Variants in DRGX observed in about 807,000 individuals in gnomAD.
DRGX encodes the protein dorsal root ganglia homeobox protein.
In DRGX, 21 loss-of-function variants were observed where a neutral mutation model predicts 28.6. The observed-to-expected ratio is 0.73, with a 90% CI of 0.52 to 1.06. The LOEUF is 1.06. Ranked by LOEUF, DRGX falls within the 50% of genes least tolerant of loss-of-function variation. DRGX has a pLI of 0.00. For missense variants in DRGX, 354 were observed against 343.9 expected (o/e 1.03, Z -0.23); for synonymous variants, 136 against 139.1 (o/e 0.98, Z 0.16).
At chr10:49,366,904 T>G (rs1274436007) in intron 6 of DRGX, among the ~76,000 whole-genome samples, 1 of 152,226 alleles carries the variant, frequency 6.6e-6, no homozygotes, top group Non-Finnish European at 1.5e-5. Context: ...TGTCAAGAAT[T>G]TTATTGCTTT....
At chr10:49,386,413 C>T (rs953858036) in intron 6 of DRGX, 65 bp downstream of exon 6, 79 of 1,395,122 alleles carry the variant, frequency 5.7e-5, no homozygotes, top group Admixed American at 8.2e-5. Flanking sequence ...AGACCCAGGC[C>T]GGTCACACAA....
chr10:49,389,056 T>C (rs1373047047), intron 4 of DRGX, among the ~76,000 whole-genome samples: 2 of 152,184 alleles, frequency 1.3e-5, no homozygotes, highest in Non-Finnish European at 2.9e-5. Context: ...TTTAGGCAGC[T>C]ATTGGCAAGC....
intron 6 of DRGX, among the ~76,000 whole-genome samples, chr10:49,379,784 T>C (rs765379966): frequency 5.3e-5 from 8 of 152,250 alleles, no homozygotes; most frequent in Admixed American, 1.3e-4. Context: ...TCATGTCTAG[T>C]GAGTGCCATT....
intron 6 of DRGX, among the ~76,000 whole-genome samples, chr10:49,373,508 G>A (rs1402036367): frequency 6.6e-6 from 1 of 152,114 alleles, no homozygotes; most frequent in Non-Finnish European, 1.5e-5. Context: ...TTGGGAGGTG[G>A]GGCTTTTGGA....
chr10:49,365,984 G>T lies in DRGX; in HGVS notation c.*132C>A. ...GCCAAGGGAGCTGTGGGTCTCACTT[G>T]CCCGTCCTGGGTCCATGCAGAGGCC... On this transcript the variant is annotated 3_prime_UTR_variant, in exon 7 of 7. Coordinates refer to ENST00000374139, the MANE Select transcript of DRGX (RefSeq NM_001276451.2). 1 of 1,135,272 alleles carries T rather than the reference G, an allele frequency of 8.8e-7. No individual in the cohort carries two copies. The highest frequency in any genetic ancestry group is 1.2e-6 in the Non-Finnish European group (1 of 849,822). The allele number at this position is 1,135,272 out of a possible 1,614,324, so 70.3% of individuals were successfully genotyped here.
rs1053476237 is a variant in DRGX at position 49,364,300 on chromosome 10, C to A, written c.*1816G>T. 2.0e-5 allele frequency: 3 copies of A among 152,312 alleles called. No individual in the cohort carries two copies. Among genetic ancestry groups the A allele is most frequent in the Admixed American group, 6.5e-5 (1 of 15,302 alleles). 9.4% of individuals were successfully genotyped at this position (152,312 alleles called of 1,614,324 possible). A position where few individuals can be genotyped will look rare whatever the true frequency, so the allele number is the denominator to read the frequency against. ...ATTAAATCAGTGCTTCGTGGTAATA[C>A]ATAATTTCTTATCAATTATTCATGC... On this transcript the variant is annotated 3_prime_UTR_variant, in exon 7 of 7. Coordinates refer to ENST00000374139, the MANE Select transcript of DRGX (RefSeq NM_001276451.2).
At chr10:49,368,682 A>G (rs367869493) in intron 6 of DRGX, among the ~76,000 whole-genome samples, 37 of 152,210 alleles carry the variant, frequency 2.4e-4, no homozygotes, top group African/African-American at 7.7e-4. Flanking sequence ...AGGAGCACCT[A>G]ATGTGTGAAG....
intron 6 of DRGX, among the ~76,000 whole-genome samples, chr10:49,383,823 C>T (rs1024393075): frequency 5.9e-5 from 9 of 152,250 alleles, no homozygotes; most frequent in African/African-American, 1.2e-4. Context: ...GCGTCCTGAT[C>T]GCAGACTTCC....
intron 6 of DRGX, among the ~76,000 whole-genome samples, chr10:49,377,059 G>T (rs954281495): frequency 2.6e-5 from 4 of 152,198 alleles, no homozygotes; most frequent in African/African-American, 9.7e-5. Flanking sequence ...TGCTCAGTGG[G>T]TGCTGAATGA....
chr10:49,365,331 C>T lies in DRGX; in HGVS notation c.*785G>A, dbSNP rs1407539175. 6.6e-6 allele frequency: 1 copy of T among 152,338 alleles called. No homozygotes were observed. The highest frequency in any genetic ancestry group is 2.4e-5 in the African/African-American group (1 of 41,456). The allele number at this position is 152,338 out of a possible 1,614,324, so 9.4% of individuals were successfully genotyped here. A position where few individuals can be genotyped will look rare whatever the true frequency, so the allele number is the denominator to read the frequency against. On this transcript the variant is annotated 3_prime_UTR_variant, in exon 7 of 7. Transcript: ENST00000374139. ...AGTTGCTTAACTTCCCACCAATCCACAGGTCTATCTGGGAGAGAGGAAGGG... is the reference window on the plus strand; with the variant it reads ...AGTTGCTTAACTTCCCACCAATCCATAGGTCTATCTGGGAGAGAGGAAGGG...
intron 2 of DRGX, among the ~76,000 whole-genome samples, chr10:49,392,311 A>T (rs560608665): frequency 1.8e-4 from 28 of 152,154 alleles, no homozygotes; most frequent in Non-Finnish European, 3.1e-4. Context: ...GGCTTCTTAA[A>T]ATTCTGTCTA....
chr10:49,382,733 T>C (rs1241241640), intron 6 of DRGX, among the ~76,000 whole-genome samples: 1 of 152,124 alleles, frequency 6.6e-6, no homozygotes, highest in Non-Finnish European at 1.5e-5. Context: ...CCAGCCATTC[T>C]CCAGAGGGGT....
Position 49,384,005 on chromosome 10 carries a change from CA to C in DRGX, c.526+2472del, listed in dbSNP as rs1376310073. Among the ~76,000 whole-genome samples the C allele has an allele frequency of 2.6e-5, 4 of 152,272 alleles. No individual in the cohort carries two copies. The South Asian group carries it at 8.3e-4, about 32-fold the overall frequency. Reference sequence around the variant, plus strand: ...GCAACACAGCATCCACGTTCCCACGCAGCCACAATCAGCTGGCTGAGCAACG... The same window carrying C: ...GCAACACAGCATCCACGTTCCCACGCGCCACAATCAGCTGGCTGAGCAACG... On this transcript the variant is annotated intron_variant, in intron 6 of 6. Transcript: ENST00000374139.
At chr10:49,389,906 G>T (rs945398537) in intron 4 of DRGX, among the ~76,000 whole-genome samples, 7 of 150,886 alleles carry the variant, frequency 4.6e-5, no homozygotes, top group African/African-American at 1.7e-4. Flanking sequence ...CCTTAGAGAC[G>T]CGGACAAATT....
rs1388265077 is a variant in DRGX at position 49,390,193 on chromosome 10, T to G, written c.174A>C (p.Pro58=). Residue 58 remains proline, a synonymous_variant, in exon 4 of 7, where the codon CCA becomes CCC. Transcript: ENST00000374139. ...CGAGCTCTTCTCTGGTGAAGACATC[T>G]GGATAGTGTGTTTGGGCAAAAACGG... ...LEAVFAQTHY[P]DVFTREELAM... is the part of the protein sequence containing the mutation. 6.2e-7 allele frequency: 1 copy of G among 1,613,066 alleles called. No homozygotes were observed. The highest frequency in any genetic ancestry group is 8.5e-7 in the Non-Finnish European group (1 of 1,179,608).
At chr10:49,388,108 C>A (rs1048677398) in intron 4 of DRGX, among the ~76,000 whole-genome samples, 1 of 152,196 alleles carries the variant, frequency 6.6e-6, no homozygotes, top group Non-Finnish European at 1.5e-5. Context: ...GACCTGAGCA[C>A]CTTCTTAGAG....
At position 49,395,982 on chromosome 10, in the gene DRGX, C is replaced by T. The variant is rs1288250029; in HGVS notation, c.-129G>A. 4 of 152,836 alleles carry T rather than the reference C, an allele frequency of 2.6e-5. No individual in the cohort carries two copies. Among genetic ancestry groups the T allele is most frequent in the Admixed American group, 1.3e-4 (2 of 15,306 alleles). The allele number at this position is 152,836 out of a possible 1,614,324, so 9.5% of individuals were successfully genotyped here. A position where few individuals can be genotyped will look rare whatever the true frequency, so the allele number is the denominator to read the frequency against. ...GGTCGGAGCGTGACCGCCTCCGATC[C>T]GCAAGCCCTGCTCGGCTGGCGGCGG... On this transcript the variant is annotated 5_prime_UTR_variant, in exon 1 of 7. Coordinates refer to ENST00000374139, the MANE Select transcript of DRGX (RefSeq NM_001276451.2).
intron 6 of DRGX, among the ~76,000 whole-genome samples, chr10:49,373,260 C>T (rs772101196): frequency 1.4e-4 from 21 of 151,768 alleles, no homozygotes; most frequent in Admixed American, 4.6e-4. Context: ...ACTACAACTA[C>T]GACAAATTAT....
intron 6 of DRGX, among the ~76,000 whole-genome samples, chr10:49,371,790 TCAA>T (rs1221678560): frequency 4.0e-5 from 2 of 50,330 alleles, no homozygotes; most frequent in African/African-American, 1.7e-4. Context: ...AGACTCCATC[TCAA>T]AAAAAAAAAA....
Sources: allele counts gnomAD v4.1 joint callset (sites outside exome capture counted in the v4.1 genomes callset), GRCh38; gene constraint gnomAD v4.1.1; transcripts MANE v1.5; gene names NCBI Gene and HGNC (gene_info 2026-07-23, HGNC 2026-07-21).